Variants in ISG20L2 observed in about 807,000 individuals in gnomAD.
ISG20L2 encodes interferon-stimulated 20 kDa exonuclease-like 2.
ISG20L2 carries 14 observed loss-of-function variants against 27.8 expected under a neutral mutation model. The observed-to-expected ratio is 0.50, with a 90% CI of 0.33 to 0.79. The LOEUF is 0.79. ISG20L2 is among the 30% of genes least tolerant of loss of function. The pLI is 0.02. For missense variants in ISG20L2, 393 were observed against 435.1 expected (o/e 0.90, Z 0.86); for synonymous variants, 157 against 165.7 (o/e 0.95, Z 0.40).
In ISG20L2 at chr1:156,723,373, T is replaced by G; in HGVS notation, c.1038A>C (p.Leu346=). Residue 346 remains leucine (L), a synonymous_variant, in exon 4 of 4, where the codon CTA becomes CTC. Coordinates refer to ENST00000368219, the MANE Select transcript of ISG20L2 (RefSeq NM_001370150.2). The part of the protein sequence containing the change: ...KLVEVEWEEH[L]ARNPPTD ...ACTAGTCTGTAGGGGGATTCCGGGC[T>G]AGGTGCTCTTCCCACTCGACTTCAA... 6.2e-7 allele frequency: 1 copy of G among 1,614,192 alleles called. No individual in the cohort carries two copies. Among genetic ancestry groups the G allele is most frequent in the Non-Finnish European group, 8.5e-7 (1 of 1,180,030 alleles).
In ISG20L2 at chr1:156,723,442, G is replaced by A. The variant is rs1218050822; in HGVS notation, c.969C>T (p.Ser323=). 3 of 1,614,122 alleles carry A rather than the reference G, an allele frequency of 1.9e-6. No individual in the cohort carries two copies. The Admixed American group carries it at 5.0e-5, about 27-fold the overall frequency. ...RDIQVGKSGH[S]SVEDAQATME... is the part of the protein sequence containing the mutation. ...TGGTGGCCTGGGCATCTTCCACAGA[G>A]GAATGTCCGCTCTTCCCAACCTGAG... The change falls in exon 4 of 4, where the codon TCC becomes TCT. Residue 323 remains serine (S), a synonymous_variant. Transcript: ENST00000368219.
In ISG20L2 at chr1:156,727,435, G is replaced by A; in HGVS notation, c.218C>T (p.Thr73Ile). ...TGTCTTCTTTTTTGGGAAGGAAGGG[G>A]TCTTCCAAGTGCCATCGACCGTAGG... is the stretch of plus-strand genomic sequence containing the variant. ...ETPTVDGTWK[T>I]PSFPKKKTAA... Residue 73 changes from threonine to isoleucine, a missense_variant, in exon 2 of 4, where the codon ACC (threonine) becomes ATC (isoleucine). By Grantham distance (89) the Thr-to-Ile change is moderately conservative. Transcript: ENST00000368219. The A allele has an allele frequency of 6.2e-7, 1 of 1,614,024 alleles. No individual in the cohort carries two copies. Among genetic ancestry groups the A allele is most frequent in the Non-Finnish European group, 8.5e-7 (1 of 1,179,984 alleles).
At chr1:156,728,265 C>T in intron 1 of ISG20L2, 150 bp downstream of exon 1, 2 of 986,040 alleles carry the variant, frequency 2.0e-6, no homozygotes, top group South Asian at 4.7e-5. Context: ...GCAATCTCCG[C>T]ATGCATCTCA....
rs746888212 is a variant in ISG20L2, at chr1:156,723,459, C to G, written c.952G>C (p.Gly318Arg). 6.2e-7 allele frequency: 1 copy of G among 1,614,062 alleles called. No homozygotes were observed. The highest frequency in any genetic ancestry group is 1.7e-5 in the Admixed American group (1 of 60,012). Reference sequence around the variant, plus strand: ...TCCACAGAGGAATGTCCGCTCTTCCCAACCTGAGCAAGCAAGGAAGACAAG... The same window carrying G: ...TCCACAGAGGAATGTCCGCTCTTCCGAACCTGAGCAAGCAAGGAAGACAAG... ...KKLLNRDIQV[G>R]KSGHSSVEDA... is the part of the protein sequence containing the mutation. The change falls in exon 4 of 4, where the codon GGG becomes CGG. Residue 318 changes from glycine to arginine, a missense_variant. Transcript: ENST00000368219.
chr1:156,725,900 A>G (rs1304263006), intron 2 of ISG20L2: 6 of 985,414 alleles, frequency 6.1e-6, no homozygotes, highest in Non-Finnish European at 7.2e-6. Context: ...ATAAGGCATT[A>G]TGGGAACAGC....
In ISG20L2 at chr1:156,728,527, GGC is replaced by G. The variant is rs1648926822; in HGVS notation, c.-232_-231del. 2.0e-6 allele frequency: 2 copies of G among 985,460 alleles called. No individual in the cohort carries two copies. The highest frequency in any genetic ancestry group is 4.7e-5 in the South Asian group (1 of 21,456). 61.0% of individuals were successfully genotyped at this position (985,460 alleles called of 1,614,324 possible). A position where few individuals can be genotyped will look rare whatever the true frequency, so the allele number is the denominator to read the frequency against. On this transcript the variant is annotated 5_prime_UTR_variant, in exon 1 of 4. Transcript: ENST00000368219. ...CGCGGGTTAGAACGCGCCAGAGGTC[GGC>G]GCGCGCACACCCGCACCGCCCCGAC...
chr1:156,726,167 T>C, intron 2 of ISG20L2: 2 of 985,398 alleles, frequency 2.0e-6, no homozygotes, highest in Non-Finnish European at 2.4e-6. Flanking sequence ...GGACAATATA[T>C]ACCCCAGCTC....
At chr1:156,726,581 G>A (rs1032906850) in intron 2 of ISG20L2, 2 of 807,320 alleles carry the variant, frequency 2.5e-6, no homozygotes, top group South Asian at 5.7e-5. Context: ...GATGAGTTCC[G>A]CTATGTTGCC....
chr1:156,723,518 CCAG>C, intron 3 of ISG20L2, 56 bp from the exon 4 acceptor site: 1 of 1,607,792 alleles, frequency 6.2e-7, no homozygotes, highest in South Asian at 1.1e-5. Context: ...TTCTTCCTTC[CCAG>C]TGTACTCTCT....
At chr1:156,728,093 G>T in intron 1 of ISG20L2, 3 of 995,026 alleles carry the variant, frequency 3.0e-6, no homozygotes, top group Non-Finnish European at 3.6e-6. Flanking sequence ...GAACACGTGC[G>T]ATCTATACTC....
chr1:156,728,568 G>A lies in ISG20L2; in HGVS notation c.-271C>T, dbSNP rs1648931737. The A allele has an allele frequency of 5.1e-6, 5 of 981,100 alleles. No homozygotes were observed. In the South Asian group the frequency reaches 1.4e-4, roughly 28 times the overall value. 60.8% of individuals were successfully genotyped at this position (981,100 alleles called of 1,614,324 possible). A position where few individuals can be genotyped will look rare whatever the true frequency, so the allele number is the denominator to read the frequency against. Reference sequence around the variant, plus strand: ...CACCGCCCCGACCCCAGGTAGTGAGGCCAGTGATTCCGAGTGTGTGAGGAG... The same window carrying A: ...CACCGCCCCGACCCCAGGTAGTGAGACCAGTGATTCCGAGTGTGTGAGGAG... On this transcript the variant is annotated 5_prime_UTR_variant, in exon 1 of 4. Transcript: ENST00000368219.
At chr1:156,724,562 C>T in intron 2 of ISG20L2, 1 of 1,348,072 alleles carries the variant, frequency 7.4e-7, no homozygotes, top group Non-Finnish European at 9.5e-7. Context: ...TGTTTGGACT[C>T]ATACTGCCAG....
intron 2 of ISG20L2, 136 bp from the exon 3 acceptor site, chr1:156,724,484 A>T: frequency 7.2e-7 from 1 of 1,390,804 alleles, no homozygotes; most frequent in South Asian, 1.6e-5. Flanking sequence ...TGAAATGCTC[A>T]CTCCCACAAG....
In ISG20L2 at chr1:156,726,954, C is replaced by T. The variant is rs1328009624; in HGVS notation, c.699G>A (p.Arg233=). The T allele has an allele frequency of 6.2e-7, 1 of 1,614,214 alleles. No homozygotes were observed. Among genetic ancestry groups the T allele is most frequent in the Admixed American group, 1.7e-5 (1 of 60,012 alleles). ...GTGTGGCATTCACCATGTGCTGCTTCCGGATACCACTCCACCTGGTTCGGT... is the reference window on the plus strand; with the variant it reads ...GTGTGGCATTCACCATGTGCTGCTTTCGGATACCACTCCACCTGGTTCGGT... ...VDYRTRWSGI[R]KQHMVNATPF... The change falls in exon 2 of 4, where the codon CGG becomes CGA. Residue 233 remains arginine (R), a synonymous_variant. Transcript: ENST00000368219.
Position 156,727,649 on chromosome 1 carries a change from A to G in ISG20L2, c.4T>C (p.Ser2Pro). The G allele has an allele frequency of 6.2e-7, 1 of 1,610,150 alleles. No homozygotes were observed. The highest frequency in any genetic ancestry group is 2.2e-5 in the East Asian group (1 of 44,866). M[S>P]TLLLNLDFGE... ...AAATCCAGATTGAGCAGTAAAGTAG[A>G]CATAGGGACAATGGAAGGCGGAAGA... The change falls in exon 2 of 4, where the codon TCT (serine) becomes CCT (proline). Residue 2 changes from serine to proline, a missense_variant. This residue lies in a region of ISG20L2 where 183 missense variants were observed against 168.2 expected (regional missense o/e 1.09). Transcript: ENST00000368219.
At chr1:156,727,877 TCAGA>T (rs1397350841) in intron 1 of ISG20L2, 108 bp from the exon 2 acceptor site, 3 of 1,318,990 alleles carry the variant, frequency 2.3e-6, no homozygotes, top group South Asian at 2.1e-5. Context: ...GAGCAATCTC[TCAGA>T]CAGAGGGGAA....
chr1:156,728,140 A>T, intron 1 of ISG20L2: 1 of 988,638 alleles, frequency 1.0e-6, no homozygotes, highest in Non-Finnish European at 1.2e-6. Flanking sequence ...GCTCAAAAAC[A>T]GTGAGAAGTA....
intron 2 of ISG20L2, 140 bp downstream of exon 2, chr1:156,726,766 G>T (rs1006306043): frequency 1.4e-6 from 2 of 1,456,520 alleles, no homozygotes; most frequent in Admixed American, 2.6e-5. Flanking sequence ...CCGACAGGGG[G>T]CCTTCTTCAA....
intron 3 of ISG20L2, chr1:156,723,867 C>G: frequency 3.9e-6 from 5 of 1,283,360 alleles, no homozygotes; most frequent in Non-Finnish European, 5.0e-6. Flanking sequence ...GCGGTCCTTG[C>G]ATCCACTACA....
Sources: allele counts gnomAD v4.1 joint callset, GRCh38; gene constraint gnomAD v4.1.1; regional missense constraint gnomAD v4.1.1; transcripts MANE v1.5; gene names NCBI Gene and HGNC (gene_info 2026-07-23, HGNC 2026-07-21).